Variants in CELF2 observed in about 807,000 individuals in gnomAD.
CELF2 encodes CUG triplet repeat RNA-binding protein 2.
CELF2 carries 8 observed loss-of-function variants against 62.6 expected under a neutral mutation model. The observed-to-expected ratio is 0.13, with a 90% confidence interval of 0.07 to 0.23. CELF2 has a LOEUF of 0.23. Ranked by LOEUF, CELF2 falls within the 10% of genes least tolerant of loss-of-function variation. The pLI is 1.00. For missense variants in CELF2, 333 were observed against 671.0 expected (o/e 0.50, Z 5.56); for synonymous variants, 258 against 250.0 (o/e 1.03, Z -0.30).
chr10:10,672,387 T>A, the CELF2 span, among the ~76,000 whole-genome samples: 1 of 152,192 alleles, frequency 6.6e-6, no homozygotes, highest in Admixed American at 6.5e-5. Context: ...GATTTTCTTC[T>A]ATGTTACCTT....
intron 1 of CELF2, among the ~76,000 whole-genome samples, chr10:11,105,318 A>G (rs117399386): frequency 6.6e-6 from 1 of 152,182 alleles, no homozygotes; most frequent in Non-Finnish European, 1.5e-5. Context: ...CTTTAAATTC[A>G]TCAGTTTGTT....
chr10:10,516,150 C>T, the CELF2 span, among the ~76,000 whole-genome samples: 3 of 152,056 alleles, frequency 2.0e-5, no homozygotes, highest in Non-Finnish European at 4.4e-5. Context: ...AAAGAAAAAA[C>T]CCTAGTCCTA....
the CELF2 span, among the ~76,000 whole-genome samples, chr10:10,785,614 A>T: frequency 2.0e-5 from 3 of 152,358 alleles, no homozygotes; most frequent in South Asian, 6.2e-4. Context: ...AAGTGAAGTA[A>T]GCCAGGCACA....
chr10:11,058,630 C>T (rs2065946679), intron 1 of CELF2, among the ~76,000 whole-genome samples: 1 of 151,592 alleles, frequency 6.6e-6, no homozygotes, highest in African/African-American at 2.4e-5. Flanking sequence ...CCACACCTGG[C>T]TAATTTTTGT....
chr10:11,084,974 T>C (rs766944756), intron 1 of CELF2, among the ~76,000 whole-genome samples: 8 of 152,258 alleles, frequency 5.3e-5, no homozygotes, highest in Non-Finnish European at 1.0e-4. Context: ...CTGCTATTAC[T>C]GTATTTTTCA....
At chr10:10,491,447 T>C in the CELF2 span, among the ~76,000 whole-genome samples, 1 of 152,178 alleles carries the variant, frequency 6.6e-6, no homozygotes, top group Non-Finnish European at 1.5e-5. Context: ...TTCAGGAAGA[T>C]AATCTTCATT....
chr10:10,616,719 T>TGAGAGAGA, the CELF2 span, among the ~76,000 whole-genome samples: 10 of 55,140 alleles, frequency 1.8e-4, no homozygotes, highest in Admixed American at 1.8e-4. Context: ...TGTGTGTGTG[T>TGAGAGAGA]GAGAGAGAGA....
intron 9 of CELF2, among the ~76,000 whole-genome samples, chr10:11,291,648 A>G (rs149203953): frequency 6.6e-6 from 1 of 152,242 alleles, no homozygotes; most frequent in African/African-American, 2.4e-5. Context: ...TTATTTTGAT[A>G]TGATCATTTT....
rs889344435 is a variant in CELF2, at chr10:11,280,120, C to T, written c.841+5000C>T. ...TGACTTGGGGTGCAGACTGAGGAGG[C>T]GCCTGGGAGAGGGGCTGAGATGGGG... On this transcript the variant is annotated intron_variant, in intron 8 of 12. Coordinates refer to ENST00000633077, the MANE Select transcript of CELF2 (RefSeq NM_001326342.2). This position sits in a 1 kb window ranked among gnomAD's most constrained non-coding sequence, Gnocchi z 7.6. 3.6e-4 allele frequency among the ~76,000 whole-genome samples: 55 copies of T among 152,014 alleles called. No homozygotes were observed. Among genetic ancestry groups the T allele is most frequent in the African/African-American group, 1.3e-3 (54 of 41,384 alleles).
the CELF2 span, among the ~76,000 whole-genome samples, chr10:10,662,295 G>A: frequency 4.6e-5 from 7 of 152,176 alleles, no homozygotes; most frequent in African/African-American, 1.7e-4. Context: ...CCACCCTTCA[G>A]GGCTCAGATC....
At chr10:10,799,408 T>G (rs2054417028) in intron 1 of CELF2, among the ~76,000 whole-genome samples, 1 of 151,854 alleles carries the variant, frequency 6.6e-6, no homozygotes, top group African/African-American at 2.4e-5. Context: ...CGCTTAAACT[T>G]AGGAGGTGGA....
the CELF2 span, among the ~76,000 whole-genome samples, chr10:10,583,687 ATATACTTAC>A: frequency 6.6e-6 from 1 of 152,170 alleles, no homozygotes; most frequent in Non-Finnish European, 1.5e-5. Context: ...CTTCTGTAGA[ATATACTTAC>A]AGAATGTGAC....
intron 1 of CELF2, among the ~76,000 whole-genome samples, chr10:11,129,633 C>A (rs1476101538): frequency 6.6e-6 from 1 of 152,108 alleles, no homozygotes; most frequent in Non-Finnish European, 1.5e-5. Context: ...GGAATTTATC[C>A]ATTTCTTCTA....
intron 1 of CELF2, among the ~76,000 whole-genome samples, chr10:11,065,447 G>A (rs1275216465): frequency 6.6e-6 from 1 of 152,008 alleles, no homozygotes; most frequent in African/African-American, 2.4e-5. Flanking sequence ...AAATAAATGC[G>A]GTACACTAAG....
At chr10:11,077,595 A>T (rs2072464764) in intron 1 of CELF2, among the ~76,000 whole-genome samples, 1 of 152,206 alleles carries the variant, frequency 6.6e-6, no homozygotes, top group African/African-American at 2.4e-5. Context: ...TTGTAAAAAA[A>T]TACCTATTAT....
At chr10:10,597,613 C>T in the CELF2 span, among the ~76,000 whole-genome samples, 39 of 152,212 alleles carry the variant, frequency 2.6e-4, 1 homozygote, top group South Asian at 7.5e-3. Flanking sequence ...TTTAAAGGAC[C>T]GGCATCTGAT....
At chr10:10,753,780 T>C in the CELF2 span, among the ~76,000 whole-genome samples, 6 of 152,240 alleles carry the variant, frequency 3.9e-5, no homozygotes, top group Admixed American at 3.9e-4. Flanking sequence ...CTAAAGTTTA[T>C]GCATTGAACT....
chr10:10,748,474 C>G, the CELF2 span, among the ~76,000 whole-genome samples: 9 of 151,964 alleles, frequency 5.9e-5, no homozygotes, highest in Non-Finnish European at 1.2e-4. Flanking sequence ...TGGGGTCTGG[C>G]GCGGTGGCTC....
chr10:10,885,976 TG>T (rs2061723462), intron 1 of CELF2, among the ~76,000 whole-genome samples: 1 of 152,218 alleles, frequency 6.6e-6, no homozygotes, highest in African/African-American at 2.4e-5. Flanking sequence ...GGGATTAGAC[TG>T]TGGATGTTTT....
Sources: allele counts gnomAD v4.1 joint callset (sites outside exome capture counted in the v4.1 genomes callset), GRCh38; gene constraint gnomAD v4.1.1; non-coding constraint Gnocchi (gnomAD v3.1); transcripts MANE v1.5; gene names NCBI Gene and HGNC (gene_info 2026-07-23, HGNC 2026-07-21).